Variants in CNTN4 observed in about 807,000 individuals in gnomAD.
CNTN4 encodes the protein contactin 4.
A neutral mutation model predicts 122.5 loss-of-function variants in CNTN4; 77 were observed. The ratio of observed to expected loss-of-function variants is 0.63; its 90% CI spans 0.52 to 0.76. CNTN4 has a LOEUF of 0.76. Among genes scored for constraint, CNTN4 ranks in the 30% least tolerant of loss-of-function variants. The pLI, the probability that CNTN4 is intolerant of heterozygous loss-of-function variation, is 0.00. For synonymous variants in CNTN4, 512 were observed against 447.0 expected (o/e 1.15, Z -1.83); for missense variants, 1,256 against 1,259.1 (o/e 1.00, Z 0.04).
chr3:2,287,794 A>G (rs1334010099), intron 2 of CNTN4, among the ~76,000 whole-genome samples: 3 of 149,720 alleles, frequency 2.0e-5, no homozygotes, highest in African/African-American at 7.3e-5. Context: ...GAAGAGGAGG[A>G]AGGGGAAGGT....
chr3:2,646,329 G>A (rs2083117550), intron 4 of CNTN4, among the ~76,000 whole-genome samples: 1 of 152,116 alleles, frequency 6.6e-6, no homozygotes. Flanking sequence ...GTTTGTTAGT[G>A]GCCATTTTCA....
chr3:2,102,309 C>A (rs770843670), intron 2 of CNTN4, among the ~76,000 whole-genome samples: 6 of 152,152 alleles, frequency 3.9e-5, no homozygotes, highest in Non-Finnish European at 8.8e-5. Flanking sequence ...CATTTACAGT[C>A]CTGGGCAATG....
intron 13 of CNTN4, among the ~76,000 whole-genome samples, chr3:2,938,150 G>A (rs989073128): frequency 2.6e-5 from 4 of 152,130 alleles, no homozygotes; most frequent in South Asian, 2.1e-4. Flanking sequence ...TTGATCTCTC[G>A]TTATATCACT....
intron 15 of CNTN4, among the ~76,000 whole-genome samples, chr3:3,028,967 T>G (rs2125659700): frequency 6.6e-6 from 1 of 152,258 alleles, no homozygotes; most frequent in Admixed American, 6.5e-5. Context: ...GAGGGCTGAC[T>G]GCAGGACTTG....
At chr3:2,812,226 C>T (rs2092630232) in intron 6 of CNTN4, among the ~76,000 whole-genome samples, 1 of 152,146 alleles carries the variant, frequency 6.6e-6, no homozygotes. Flanking sequence ...ACCCCCATGA[C>T]ACAAGTTTAC....
intron 13 of CNTN4, among the ~76,000 whole-genome samples, chr3:2,946,608 C>G (rs1011294396): frequency 1.3e-5 from 2 of 151,964 alleles, no homozygotes; most frequent in African/African-American, 4.8e-5. Context: ...AAATTAAGTT[C>G]CAACATTTAT....
intron 2 of CNTN4, among the ~76,000 whole-genome samples, chr3:2,200,833 A>T (rs911198627): frequency 2.6e-5 from 4 of 152,200 alleles, no homozygotes; most frequent in African/African-American, 9.6e-5. Flanking sequence ...TAGCCCCCTT[A>T]TGCTTCAGTA....
At chr3:2,976,355 C>G (rs541348823) in intron 13 of CNTN4, among the ~76,000 whole-genome samples, 1 of 152,314 alleles carries the variant, frequency 6.6e-6, no homozygotes, top group Admixed American at 6.5e-5. Context: ...ATGCTGCAGA[C>G]AAGGGCAATA....
chr3:3,046,229 C>A (rs1452191678), intron 23 of CNTN4, among the ~76,000 whole-genome samples: 8 of 152,142 alleles, frequency 5.3e-5, no homozygotes, highest in African/African-American at 1.7e-4. Flanking sequence ...GGAGAACTTC[C>A]CCAGCCTAGC....
intron 7 of CNTN4, among the ~76,000 whole-genome samples, chr3:2,827,482 T>C (rs1467782531): frequency 6.6e-6 from 1 of 152,250 alleles, no homozygotes; most frequent in Non-Finnish European, 1.5e-5. Context: ...AGAGAATTTC[T>C]CATCTTTGGA....
At chr3:2,499,774 A>C (rs1344478484) in intron 3 of CNTN4, among the ~76,000 whole-genome samples, 1 of 152,136 alleles carries the variant, frequency 6.6e-6, no homozygotes, top group Non-Finnish European at 1.5e-5. Context: ...CTAAAACCTT[A>C]CAGGGAGTTT....
At chr3:2,193,721 C>G (rs528448409) in intron 2 of CNTN4, among the ~76,000 whole-genome samples, 2 of 152,306 alleles carry the variant, frequency 1.3e-5, no homozygotes, top group African/African-American at 4.8e-5. Flanking sequence ...TAATGCATCA[C>G]ATATGCATGA....
At chr3:2,348,978 C>G (rs1416668737) in intron 3 of CNTN4, among the ~76,000 whole-genome samples, 1 of 152,156 alleles carries the variant, frequency 6.6e-6, no homozygotes, top group Non-Finnish European at 1.5e-5. Context: ...CCAAGCTAAG[C>G]AAGTTTAAAT....
intron 2 of CNTN4, among the ~76,000 whole-genome samples, chr3:2,193,699 C>T (rs2037698462): frequency 6.6e-6 from 1 of 152,060 alleles, no homozygotes; most frequent in Non-Finnish European, 1.5e-5. Flanking sequence ...TGACTATGGC[C>T]CCATAAGATT....
intron 2 of CNTN4, among the ~76,000 whole-genome samples, chr3:2,137,245 G>A (rs1001900090): frequency 6.6e-6 from 1 of 152,120 alleles, no homozygotes; most frequent in African/African-American, 2.4e-5. Flanking sequence ...ATACCTTATA[G>A]TGGCACATTT....
chr3:2,424,079 A>G (rs1244709975), intron 3 of CNTN4, among the ~76,000 whole-genome samples: 1 of 150,776 alleles, frequency 6.6e-6, no homozygotes, highest in Non-Finnish European at 1.5e-5. Context: ...TTTAAATTGT[A>G]TTATACTTTG....
intron 13 of CNTN4, among the ~76,000 whole-genome samples, chr3:2,957,632 T>C (rs553026556): frequency 2.6e-5 from 4 of 152,276 alleles, no homozygotes; most frequent in African/African-American, 9.6e-5. Flanking sequence ...CATCTGTTTT[T>C]CTCATTCTAT....
chr3:2,423,480 G>GTTT (rs199622494), intron 3 of CNTN4, among the ~76,000 whole-genome samples: 1 of 114,202 alleles, frequency 8.8e-6, no homozygotes, highest in African/African-American at 3.1e-5. Context: ...GTGAAAACTT[G>GTTT]TTTTTTTTTT....
At chr3:2,302,681 A>T (rs1403049679) in intron 2 of CNTN4, among the ~76,000 whole-genome samples, 1 of 152,188 alleles carries the variant, frequency 6.6e-6, no homozygotes, top group Admixed American at 6.5e-5. Flanking sequence ...CTATTTTATC[A>T]TTGGAAATGC....
Sources: allele counts gnomAD v4.1 joint callset (sites outside exome capture counted in the v4.1 genomes callset), GRCh38; gene constraint gnomAD v4.1.1; transcripts MANE v1.5; gene names NCBI Gene and HGNC (gene_info 2026-07-23, HGNC 2026-07-21).